THADA: variants seen among roughly 807,000 people sequenced by gnomAD.
The protein encoded by THADA is THADA armadillo repeat containing.
A neutral mutation model predicts 219.8 loss-of-function variants in THADA; 213 were observed. That is an observed-to-expected ratio of 0.97 (90% CI 0.87 to 1.09). The LOEUF (loss-of-function observed/expected upper bound fraction) is 1.09, where lower values mean the gene tolerates loss of function less well. Ranked by LOEUF, THADA falls within the 50% of genes least tolerant of loss-of-function variation. The probability of loss-of-function intolerance (pLI) is 0.00; values close to 1 mark genes in which losing one functional copy is unlikely to be tolerated. For synonymous variants in THADA, 1,018 were observed against 828.9 expected, an observed-to-expected ratio of 1.23 and a Z score of -3.92; for missense variants, 2,956 against 2,311.3, an observed-to-expected ratio of 1.28 and a Z score of -5.72.
chr2:43,541,239 A>G lies in THADA; in HGVS notation c.3184T>C (p.Leu1062=), dbSNP rs1308377552. Residue 1062 remains leucine, a synonymous_variant, in exon 21 of 38, where the codon TTA becomes CTA. Transcript: ENST00000405975. ...AGCTGGCACAACATGCCTAAAAGTAAAGCAACTTCCTTCATACTTCTCCAA... is the reference window on the plus strand; with the variant it reads ...AGCTGGCACAACATGCCTAAAAGTAGAGCAACTTCCTTCATACTTCTCCAA... The part of the protein sequence containing the change: ...CCWRSMKEVA[L]LLGMLCQLLP... The G allele has an allele frequency of 6.2e-7, 1 of 1,611,880 alleles. No individual in the cohort carries two copies. Among genetic ancestry groups the G allele is most frequent in the African/African-American group, 1.3e-5 (1 of 74,788 alleles).
At chr2:43,298,027 AGCCGCCCCGGCCG>A (rs1675783039) in intron 31 of THADA, among the ~76,000 whole-genome samples, 1 of 106,958 alleles carries the variant, frequency 9.3e-6, no homozygotes, top group East Asian at 2.3e-4. Context: ...CGGCCCGGCC[AGCCGCCCCGGCCG>A]CCCCTACTGG....
chr2:43,415,856 T>C (rs1245393659), intron 28 of THADA, among the ~76,000 whole-genome samples: 1 of 152,096 alleles, frequency 6.6e-6, no homozygotes, highest in African/African-American at 2.4e-5. Flanking sequence ...TTTAGAGACA[T>C]GTTCAACCAC....
intron 36 of THADA, among the ~76,000 whole-genome samples, chr2:43,273,659 G>A (rs1318312001): frequency 6.6e-6 from 1 of 152,156 alleles, no homozygotes; most frequent in Non-Finnish European, 1.5e-5. Flanking sequence ...CAGCCTTAGA[G>A]GTTCCAGGAG....
chr2:43,232,465 G>T (rs535648016), intron 37 of THADA, among the ~76,000 whole-genome samples: 2 of 151,964 alleles, frequency 1.3e-5, no homozygotes, highest in Non-Finnish European at 2.9e-5. Context: ...AGCATGAGCC[G>T]CTGTGCCCGG....
chr2:43,373,044 T>G (rs556720095), intron 29 of THADA, among the ~76,000 whole-genome samples: 2 of 152,142 alleles, frequency 1.3e-5, no homozygotes, highest in South Asian at 4.2e-4. Context: ...AAAAACTTAT[T>G]TCTAATGCTA....
In THADA at chr2:43,571,757, T is replaced by C; in HGVS notation, c.2014A>G (p.Asn672Asp). The C allele has an allele frequency of 6.2e-7, 1 of 1,613,954 alleles. No individual in the cohort carries two copies. ...WIQFFITYNL[N>D]SQSPGVRQQI... The stretch of plus-strand genomic sequence containing the variant: ...TGCCGCACTCCTGGAGACTGGCTGT[T>C]AAGATTGTATGTAATAAAGAACTGA... Residue 672 changes from asparagine to aspartate, a missense_variant, in exon 13 of 38, where the codon AAC becomes GAC. Transcript: ENST00000405975.
intron 34 of THADA, among the ~76,000 whole-genome samples, chr2:43,291,312 G>A (rs529484053): frequency 4.0e-5 from 6 of 151,632 alleles, no homozygotes; most frequent in East Asian, 1.9e-4. Context: ...TTAGCCGGGC[G>A]TGCTGGCACA....
chr2:43,417,323 T>G (rs955547467), intron 28 of THADA, among the ~76,000 whole-genome samples: 4 of 152,220 alleles, frequency 2.6e-5, no homozygotes, highest in Admixed American at 1.3e-4. Flanking sequence ...ATTAAGATTT[T>G]AGGCTTCTTA....
intron 30 of THADA, among the ~76,000 whole-genome samples, chr2:43,342,816 G>T (rs74828505): frequency 6.6e-6 from 1 of 152,162 alleles, no homozygotes; most frequent in Non-Finnish European, 1.5e-5. Context: ...AAGGCTAGCA[G>T]GTAGCCTGTG....
At chr2:43,251,642 C>T (rs999431246) in intron 36 of THADA, among the ~76,000 whole-genome samples, 2 of 152,220 alleles carry the variant, frequency 1.3e-5, no homozygotes, top group African/African-American at 4.8e-5. Context: ...GAGCTGTGTC[C>T]AGCTGGGGCA....
intron 26 of THADA, among the ~76,000 whole-genome samples, chr2:43,440,910 T>C (rs1680767103): frequency 6.6e-6 from 1 of 152,214 alleles, no homozygotes; most frequent in African/African-American, 2.4e-5. Context: ...ATTAAGCTAA[T>C]TGTCCCAAAC....
At chr2:43,419,360 G>A (rs990196148) in intron 28 of THADA, among the ~76,000 whole-genome samples, 4 of 152,204 alleles carry the variant, frequency 2.6e-5, no homozygotes, top group African/African-American at 7.2e-5. Context: ...GTAAAAGGAC[G>A]TGAGGGTGAA....
intron 36 of THADA, among the ~76,000 whole-genome samples, chr2:43,261,426 G>T (rs771162017): frequency 1.3e-5 from 2 of 151,008 alleles, no homozygotes; most frequent in Non-Finnish European, 3.0e-5. Context: ...GTTTCGCCAT[G>T]TTGCCTGGTT....
rs1458629327 is a variant in THADA at position 43,231,055 on chromosome 2, C to T, written c.5755G>A (p.Ala1919Thr). The change falls in exon 38 of 38, where the codon GCC becomes ACC. Residue 1919 changes from alanine to threonine, a missense_variant. Ala to Thr is a moderately conservative substitution (Grantham distance 58). Transcript: ENST00000405975. Reference sequence around the variant, plus strand: ...TCCCCTTCCTTTCCTTCCAAAAAGGCCAGCAGCCTCAAGCAAGCCAAAGTC... The same window carrying T: ...TCCCCTTCCTTTCCTTCCAAAAAGGTCAGCAGCCTCAAGCAAGCCAAAGTC... ...ERTLACLRLLAFLEGKEGEDT... is the reference protein window; with the variant it reads ...ERTLACLRLLTFLEGKEGEDT... The T allele has an allele frequency of 1.2e-6, 2 of 1,613,822 alleles. No individual in the cohort carries two copies. The highest frequency in any genetic ancestry group is 1.7e-6 in the Non-Finnish European group (2 of 1,179,894).
At chr2:43,320,324 G>A (rs939608948) in intron 31 of THADA, 122 bp downstream of exon 31, 3 of 650,850 alleles carry the variant, frequency 4.6e-6, no homozygotes, top group Non-Finnish European at 8.0e-6. Context: ...GTTTAATTTT[G>A]ATGTGTGGTT....
chr2:43,473,994 C>G (rs944611855), intron 26 of THADA, among the ~76,000 whole-genome samples: 4 of 152,170 alleles, frequency 2.6e-5, no homozygotes, highest in Admixed American at 6.5e-5. Context: ...ACACATTGTG[C>G]TGAGACATCA....
At chr2:43,239,869 C>T (rs1205690204) in intron 36 of THADA, among the ~76,000 whole-genome samples, 1 of 152,218 alleles carries the variant, frequency 6.6e-6, no homozygotes, top group Non-Finnish European at 1.5e-5. Flanking sequence ...CCCACTCACC[C>T]ATTCACCCAT....
chr2:43,577,870 T>C (rs999086032), intron 9 of THADA, among the ~76,000 whole-genome samples: 4 of 152,118 alleles, frequency 2.6e-5, no homozygotes, highest in South Asian at 2.1e-4. Context: ...TATCTATACA[T>C]TGATATGCAT....
chr2:43,502,831 C>G (rs1160263214), intron 24 of THADA, among the ~76,000 whole-genome samples: 1 of 151,806 alleles, frequency 6.6e-6, no homozygotes, highest in East Asian at 1.9e-4. Flanking sequence ...AAATCAATAT[C>G]AAGAAAATAT....
Sources: allele counts gnomAD v4.1 joint callset (sites outside exome capture counted in the v4.1 genomes callset), GRCh38; gene constraint gnomAD v4.1.1; transcripts MANE v1.5; gene names NCBI Gene and HGNC (gene_info 2026-07-23, HGNC 2026-07-21).